The following ASIC2 variants were observed in gnomAD, a reference collection of about 807,000 sequenced individuals.
ASIC2 encodes acid sensing ion channel subunit 2, also known as acid-sensing ion channel 2.
In ASIC2, 25 loss-of-function variants were observed where a neutral mutation model predicts 57.3. The ratio of observed to expected loss-of-function variants is 0.44; its 90% CI spans 0.32 to 0.61. The LOEUF (loss-of-function observed/expected upper bound fraction) is 0.61. Ranked by LOEUF, ASIC2 falls within the 20% of genes least tolerant of loss-of-function variation. The pLI is 0.06. For missense variants in ASIC2, 641 were observed against 738.1 expected (o/e 0.87, Z 1.52); for synonymous variants, 319 against 307.5 (o/e 1.04, Z -0.39).
intron 4 of ASIC2, among the ~76,000 whole-genome samples, chr17:33,027,156 T>C (rs2091862716): frequency 6.6e-6 from 1 of 152,156 alleles, no homozygotes. Context: ...GCAACCCACA[T>C]GCATCGACTA....
intron 2 of ASIC2, among the ~76,000 whole-genome samples, chr17:33,107,382 G>A (rs1002207226): frequency 6.6e-6 from 1 of 152,194 alleles, no homozygotes; most frequent in Non-Finnish European, 1.5e-5. Context: ...TTCCTGCAAT[G>A]AATAAATGTG....
chr17:34,089,331 T>C (rs138017699), intron 1 of ASIC2, among the ~76,000 whole-genome samples: 6 of 151,878 alleles, frequency 4.0e-5, no homozygotes, highest in African/African-American at 1.5e-4. Flanking sequence ...ACATGCCAAA[T>C]GGTGATCAAA....
At chr17:34,070,934 G>A (rs1196849310) in intron 1 of ASIC2, 2 of 152,254 alleles carry the variant, frequency 1.3e-5, no homozygotes, top group Non-Finnish European at 1.5e-5. Context: ...TGGATGAGTT[G>A]GGGATTCTTA....
chr17:33,067,284 A>C (rs2092047467), intron 3 of ASIC2, among the ~76,000 whole-genome samples: 1 of 152,226 alleles, frequency 6.6e-6, no homozygotes. Context: ...AGGGCCACAG[A>C]CAAAGTTGAT....
intron 1 of ASIC2, among the ~76,000 whole-genome samples, chr17:33,883,191 A>T (rs1914745148): frequency 6.6e-6 from 1 of 152,174 alleles, no homozygotes; most frequent in Non-Finnish European, 1.5e-5. Flanking sequence ...ACATGTATAC[A>T]TATGTAACAA....
chr17:33,258,538 CAGG>C (rs1292749705), intron 1 of ASIC2, among the ~76,000 whole-genome samples: 1 of 152,178 alleles, frequency 6.6e-6, no homozygotes, highest in African/African-American at 2.4e-5. Flanking sequence ...CAGATGAACA[CAGG>C]AGGAGTATTC....
chr17:33,103,896 G>A (rs981255044), intron 2 of ASIC2, among the ~76,000 whole-genome samples: 1 of 152,114 alleles, frequency 6.6e-6, no homozygotes, highest in African/African-American at 2.4e-5. Flanking sequence ...GAGGATGTGT[G>A]GGGGGCCTAA....
chr17:33,221,288 A>G (rs1016146451), intron 1 of ASIC2, among the ~76,000 whole-genome samples: 1 of 152,174 alleles, frequency 6.6e-6, no homozygotes, highest in African/African-American at 2.4e-5. Context: ...GAATGTTCAA[A>G]TACCCTTCCA....
chr17:33,065,024 TG>T (rs1397563003), intron 3 of ASIC2, among the ~76,000 whole-genome samples: 1 of 152,194 alleles, frequency 6.6e-6, no homozygotes, highest in South Asian at 2.1e-4. Flanking sequence ...GTTTGTGGCT[TG>T]GGGAAGGTCA....
At chr17:33,464,462 T>C (rs954779552) in intron 1 of ASIC2, among the ~76,000 whole-genome samples, 14 of 80,040 alleles carry the variant, frequency 1.7e-4, no homozygotes, top group African/African-American at 9.1e-4. Flanking sequence ...TTTTTCTCTT[T>C]CTTTCTTTCT....
chr17:33,779,925 G>A (rs1911396217), intron 1 of ASIC2, among the ~76,000 whole-genome samples: 1 of 148,714 alleles, frequency 6.7e-6, no homozygotes, highest in African/African-American at 2.5e-5. Flanking sequence ...TACCTAGTGG[G>A]TGACAGAAGT....
chr17:33,830,286 G>A (rs916934870), intron 1 of ASIC2, among the ~76,000 whole-genome samples: 1 of 152,102 alleles, frequency 6.6e-6, no homozygotes, highest in African/African-American at 2.4e-5. Context: ...TATTCTGAGA[G>A]AAGAGAAGGT....
At chr17:34,125,450 C>G (rs1395317900) in intron 1 of ASIC2, among the ~76,000 whole-genome samples, 1 of 152,168 alleles carries the variant, frequency 6.6e-6, no homozygotes, top group Non-Finnish European at 1.5e-5. Flanking sequence ...AGAACCCACT[C>G]TAGCCAGTGT....
intron 1 of ASIC2, among the ~76,000 whole-genome samples, chr17:33,478,465 T>C (rs955015419): frequency 2.6e-5 from 4 of 152,244 alleles, no homozygotes; most frequent in African/African-American, 9.6e-5. Flanking sequence ...TTTCTGCCTT[T>C]GCTCATGAAT....
At chr17:34,037,602 TGTGGCCTTGGA>T (rs1907938722) in intron 1 of ASIC2, 2 of 1,562,022 alleles carry the variant, frequency 1.3e-6, no homozygotes, top group Non-Finnish European at 1.7e-6. Flanking sequence ...TTGAACAGTT[TGTGGCCTTGGA>T]GTCAGTCTCA....
chr17:34,104,766 GATTA>G lies in ASIC2; in HGVS notation c.555+51208_555+51211del, dbSNP rs546193333. ...ATATATTAATTAACCAGATTACATTGATTAATTTTTAAATGTTGAACCAAACTTG... is the reference window on the plus strand; with the variant it reads ...ATATATTAATTAACCAGATTACATTGATTTTTAAATGTTGAACCAAACTTG... On this transcript the variant is annotated intron_variant, in intron 1 of 9. Transcript: ENST00000359872. 1.4e-3 allele frequency among the ~76,000 whole-genome samples: 220 copies of G among 151,970 alleles called. 1 individual carries two copies. The highest frequency in any genetic ancestry group is 5.0e-3 in the African/African-American group (207 of 41,472).
chr17:33,546,475 C>T (rs907348448), intron 1 of ASIC2, among the ~76,000 whole-genome samples: 3 of 152,142 alleles, frequency 2.0e-5, no homozygotes, highest in Non-Finnish European at 4.4e-5. Context: ...TGATGAAAGA[C>T]ATCTAGAACT....
At chr17:33,168,979 A>G (rs1200078940) in intron 1 of ASIC2, among the ~76,000 whole-genome samples, 1 of 152,210 alleles carries the variant, frequency 6.6e-6, no homozygotes, top group Non-Finnish European at 1.5e-5. Flanking sequence ...GGCATTTCAG[A>G]AATCTTCAAG....
chr17:33,302,082 T>C (rs530179065), intron 1 of ASIC2, among the ~76,000 whole-genome samples: 1 of 152,232 alleles, frequency 6.6e-6, no homozygotes, highest in Non-Finnish European at 1.5e-5. Context: ...TCATAATTAA[T>C]GTCTCCTTCC....
Sources: gnomAD v4.1 joint callset for allele counts (sites outside exome capture counted in the v4.1 genomes callset) on GRCh38, gnomAD v4.1.1 for gene constraint, MANE v1.5 for transcripts, NCBI Gene and HGNC (gene_info 2026-07-23, HGNC 2026-07-21) for gene names.